The following ARHGAP15 variants were observed in gnomAD, a reference collection of about 807,000 sequenced individuals.
ARHGAP15 encodes rho GTPase-activating protein 15.
A neutral mutation model predicts 63.7 loss-of-function variants in ARHGAP15; 51 were observed. That is an observed-to-expected ratio of 0.80 (90% CI 0.64 to 1.01). ARHGAP15 has a LOEUF of 1.01. ARHGAP15 is among the 50% of genes least tolerant of loss of function. The pLI is 0.00. For synonymous variants in ARHGAP15, 191 were observed against 193.8 expected (o/e 0.99, Z 0.12); for missense variants, 560 against 564.6 (o/e 0.99, Z 0.08).
chr2:143,438,467 C>T (rs1449306008), intron 8 of ARHGAP15, among the ~76,000 whole-genome samples: 2 of 151,928 alleles, frequency 1.3e-5, no homozygotes, highest in African/African-American at 4.8e-5. Context: ...CTAGAAATTG[C>T]ATGAGAATTT....
chr2:143,652,122 A>G (rs926018354), intron 12 of ARHGAP15, among the ~76,000 whole-genome samples: 19 of 152,164 alleles, frequency 1.2e-4, no homozygotes, highest in African/African-American at 4.3e-4. Flanking sequence ...TAATTTTGAT[A>G]TAAGTTTGAG....
At chr2:143,142,708 T>TA (rs1689420674) in intron 1 of ARHGAP15, among the ~76,000 whole-genome samples, 2 of 152,004 alleles carry the variant, frequency 1.3e-5, no homozygotes, top group African/African-American at 4.8e-5. Context: ...TAAATACACA[T>TA]ACATGTGTGC....
At chr2:143,146,454 T>C (rs1015982172) in intron 1 of ARHGAP15, among the ~76,000 whole-genome samples, 2 of 151,956 alleles carry the variant, frequency 1.3e-5, no homozygotes, top group African/African-American at 4.8e-5. Flanking sequence ...GACAGAAGAA[T>C]GATTAGCTTT....
At chr2:143,564,701 T>C (rs1369689486) in intron 11 of ARHGAP15, among the ~76,000 whole-genome samples, 4 of 152,162 alleles carry the variant, frequency 2.6e-5, no homozygotes, top group African/African-American at 9.7e-5. Context: ...AGTCTTCTCT[T>C]TGGCTATTGA....
At chr2:143,736,520 C>CA (rs1685752202) in intron 13 of ARHGAP15, among the ~76,000 whole-genome samples, 1 of 151,982 alleles carries the variant, frequency 6.6e-6, no homozygotes, top group Non-Finnish European at 1.5e-5. Context: ...TTTACTTACA[C>CA]AAAGTGTAGA....
At chr2:143,715,111 A>G (rs544326124) in intron 13 of ARHGAP15, among the ~76,000 whole-genome samples, 3 of 152,352 alleles carry the variant, frequency 2.0e-5, no homozygotes, top group African/African-American at 4.8e-5. Context: ...TTGGACTTAC[A>G]GTTCCACATG....
chr2:143,584,035 A>G (rs917618194), intron 11 of ARHGAP15, among the ~76,000 whole-genome samples: 10 of 152,208 alleles, frequency 6.6e-5, no homozygotes, highest in Non-Finnish European at 1.5e-5. Context: ...TTTAATATAT[A>G]CCGAATGAGA....
intron 13 of ARHGAP15, among the ~76,000 whole-genome samples, chr2:143,738,819 A>AT (rs1451142850): frequency 6.6e-6 from 1 of 152,172 alleles, no homozygotes; most frequent in Non-Finnish European, 1.5e-5. Flanking sequence ...GCCAGGTTAA[A>AT]TGTCCTTAAC....
intron 6 of ARHGAP15, 21 bp from the exon 7 acceptor site, chr2:143,435,580 T>TCC: frequency 1.4e-6 from 2 of 1,380,998 alleles, no homozygotes; most frequent in Middle Eastern, 4.0e-4. Flanking sequence ...CTATTTCTTT[T>TCC]TCTTTTTTTT....
chr2:143,377,337 A>T (rs1278244989), intron 6 of ARHGAP15, among the ~76,000 whole-genome samples: 1 of 152,008 alleles, frequency 6.6e-6, no homozygotes, highest in Non-Finnish European at 1.5e-5. Flanking sequence ...TGAAGAATAA[A>T]AAATTGCTAG....
At chr2:143,341,432 C>T (rs1198361616) in intron 6 of ARHGAP15, among the ~76,000 whole-genome samples, 1 of 152,122 alleles carries the variant, frequency 6.6e-6, no homozygotes, top group Non-Finnish European at 1.5e-5. Context: ...GAGGTTTCCT[C>T]TAGGACGAAT....
chr2:143,716,825 T>G (rs1038926512), intron 13 of ARHGAP15, among the ~76,000 whole-genome samples: 1 of 152,234 alleles, frequency 6.6e-6, no homozygotes, highest in Non-Finnish European at 1.5e-5. Context: ...GGCCAATCCC[T>G]CAGACTCCTT....
At chr2:143,656,703 G>A (rs1255192850) in intron 12 of ARHGAP15, among the ~76,000 whole-genome samples, 2 of 152,190 alleles carry the variant, frequency 1.3e-5, no homozygotes, top group Non-Finnish European at 2.9e-5. Context: ...CTGGGGGCAG[G>A]TAACGGAAAA....
chr2:143,378,946 C>A (rs1448987967), intron 6 of ARHGAP15, among the ~76,000 whole-genome samples: 3 of 151,470 alleles, frequency 2.0e-5, no homozygotes, highest in Non-Finnish European at 4.4e-5. Context: ...ATGTGATAAA[C>A]CTTGGAACCA....
intron 6 of ARHGAP15, among the ~76,000 whole-genome samples, chr2:143,315,153 G>GTAGAAT (rs1232220654): frequency 2.6e-5 from 4 of 152,142 alleles, no homozygotes; most frequent in Non-Finnish European, 5.9e-5. Flanking sequence ...TTCTAAGCAA[G>GTAGAAT]TAGAATTTTA....
At position 143,768,074 on chromosome 2, in the gene ARHGAP15, G is replaced by T. The variant is rs747712329; in HGVS notation, c.1330G>T (p.Glu444Ter). 3.1e-6 allele frequency: 5 copies of T among 1,613,768 alleles called. No individual in the cohort carries two copies. The South Asian group carries it at 4.4e-5, about 14-fold the overall frequency. ...FGPTLLRAEN[E>*]TGNMAIHMVY... is the part of the protein sequence containing the mutation. ...ACCTACCCTTCTGCGAGCTGAAAAT[G>T]AAACAGGAAACATGGCGATCCACAT... The change falls in exon 14 of 14, where the codon GAA becomes TAA. Residue 444 changes from glutamate to a stop codon, truncating the protein, a stop_gained. Transcript: ENST00000295095. LOFTEE classifies it high-confidence loss of function.
chr2:143,233,404 G>A (rs1693523543), intron 5 of ARHGAP15, among the ~76,000 whole-genome samples: 1 of 151,746 alleles, frequency 6.6e-6, no homozygotes, highest in Admixed American at 6.6e-5. Context: ...TTTTCAGTCA[G>A]CATGTCAAAA....
intron 12 of ARHGAP15, among the ~76,000 whole-genome samples, chr2:143,665,578 CAGG>C (rs1559113300): frequency 1.8e-5 from 1 of 56,192 alleles, no homozygotes; most frequent in Admixed American, 2.4e-4. Flanking sequence ...GGCAATTAGG[CAGG>C]AGAAGGAAAT....
At chr2:143,435,869 T>C (rs1689591756) in intron 7 of ARHGAP15, among the ~76,000 whole-genome samples, 170 bp downstream of exon 7, 2 of 152,098 alleles carry the variant, frequency 1.3e-5, no homozygotes, top group South Asian at 4.1e-4. Flanking sequence ...GCAGACAGGA[T>C]TTGTAGAACT....
Sources: gnomAD v4.1 joint callset for allele counts (sites outside exome capture counted in the v4.1 genomes callset) on GRCh38, gnomAD v4.1.1 for gene constraint, MANE v1.5 for transcripts, NCBI Gene and HGNC (gene_info 2026-07-23, HGNC 2026-07-21) for gene names.